The following SLC5A3 variants were observed in gnomAD, a reference collection of about 807,000 sequenced individuals.
The protein encoded by SLC5A3 is solute carrier family 5 member 3.
SLC5A3 carries 10 observed loss-of-function variants against 43.2 expected under a neutral mutation model. The ratio of observed to expected loss-of-function variants is 0.23; its 90% CI spans 0.14 to 0.39. SLC5A3 has a LOEUF of 0.39. SLC5A3 is among the 10% of genes least tolerant of loss of function. The probability of loss-of-function intolerance (pLI) is 1.00; values close to 1 mark genes in which losing one functional copy is unlikely to be tolerated. For synonymous variants in SLC5A3, 349 were observed against 322.0 expected (o/e 1.08, Z -0.90); for missense variants, 608 against 893.4 (o/e 0.68, Z 4.07).
intron 1 of SLC5A3, among the ~76,000 whole-genome samples, chr21:34,086,599 A>G (rs538453493): frequency 5.7e-4 from 86 of 152,114 alleles, no homozygotes; most frequent in African/African-American, 2.0e-3. Context: ...TTTATTTCAG[A>G]AAGGATGTTC....
intron 1 of SLC5A3, among the ~76,000 whole-genome samples, chr21:34,090,894 A>G (rs769722400): frequency 4.6e-5 from 7 of 152,182 alleles, no homozygotes; most frequent in Non-Finnish European, 7.3e-5. Context: ...ACCTACATAG[A>G]TGTGGTACCT....
Position 34,103,928 on chromosome 21 carries a change from T to A in SLC5A3, c.*6573T>A. ...GACAGATGTCTAGGTTTTTGGTGGG[T>A]GGAACAGGTGACATATTTCTGTTTT... On this transcript the variant is annotated 3_prime_UTR_variant, in exon 2 of 2. Coordinates refer to ENST00000381151, the MANE Select transcript of SLC5A3 (RefSeq NM_006933.7). 5.0e-6 allele frequency: 5 copies of A among 1,000,188 alleles called. No individual in the cohort carries two copies. Among genetic ancestry groups the A allele is most frequent in the Non-Finnish European group, 6.0e-6 (5 of 829,936 alleles). 62.0% of individuals were successfully genotyped at this position (1,000,188 alleles called of 1,614,324 possible).
At chr21:34,090,030 A>G (rs747645302) in intron 1 of SLC5A3, among the ~76,000 whole-genome samples, 31 of 152,166 alleles carry the variant, frequency 2.0e-4, no homozygotes, top group Non-Finnish European at 4.3e-4. Flanking sequence ...CCCAAACCCA[A>G]AATGCTCCAG....
At chr21:34,083,398 A>G (rs1308755393) in intron 1 of SLC5A3, among the ~76,000 whole-genome samples, 2 of 152,224 alleles carry the variant, frequency 1.3e-5, no homozygotes, top group Non-Finnish European at 1.5e-5. Flanking sequence ...AATATAAAAC[A>G]TCTGTTCAGT....
rs1979401466 is a variant in SLC5A3 at position 34,104,728 on chromosome 21, A to C, written c.*7373A>C. 1 of 999,302 alleles carries C rather than the reference A, an allele frequency of 1.0e-6. No individual in the cohort carries two copies. Among genetic ancestry groups the C allele is most frequent in the Admixed American group, 6.1e-5 (1 of 16,270 alleles). The allele number at this position is 999,302 out of a possible 1,614,324, so 61.9% of individuals were successfully genotyped here. A position where few individuals can be genotyped will look rare whatever the true frequency, so the allele number is the denominator to read the frequency against. ...AGGGGAAGAAGATTACCAGAAGTGC[A>C]GGAAAGAGAAGTTTGAGGAACACCC... is the stretch of plus-strand genomic sequence containing the variant. On this transcript the variant is annotated 3_prime_UTR_variant, in exon 2 of 2. Coordinates refer to ENST00000381151, the MANE Select transcript of SLC5A3 (RefSeq NM_006933.7).
intron 1 of SLC5A3, among the ~76,000 whole-genome samples, chr21:34,075,215 T>C (rs1989298620): frequency 6.6e-6 from 1 of 152,216 alleles, no homozygotes; most frequent in Admixed American, 6.5e-5. Flanking sequence ...GAAATTCCTT[T>C]TGTTTACTTT....
chr21:34,099,237 AATAG>A lies in SLC5A3; in HGVS notation c.*1888_*1891del, dbSNP rs1364081870. On this transcript the variant is annotated 3_prime_UTR_variant, in exon 2 of 2. Transcript: ENST00000381151. ...CTTGAGGTTTATAATTTGGGGGCCA[AATAG>A]ATAGAGCTCATCATTTTCTTGTTTG... The A allele has an allele frequency of 1.7e-5, 17 of 1,000,132 alleles. No individual in the cohort carries two copies. Among genetic ancestry groups the A allele is most frequent in the Non-Finnish European group, 1.9e-5 (16 of 830,008 alleles). 62.0% of individuals were successfully genotyped at this position (1,000,132 alleles called of 1,614,324 possible). A position where few individuals can be genotyped will look rare whatever the true frequency, so the allele number is the denominator to read the frequency against.
Position 34,099,542 on chromosome 21 carries a change from C to T in SLC5A3, c.*2187C>T. Reference sequence around the variant, plus strand: ...TACTGTGTAATTCACTGATAATTGACATATTGGCTGGGCAGCCTATCTCTT... The same window carrying T: ...TACTGTGTAATTCACTGATAATTGATATATTGGCTGGGCAGCCTATCTCTT... On this transcript the variant is annotated 3_prime_UTR_variant, in exon 2 of 2. Transcript: ENST00000381151. The T allele has an allele frequency of 1.0e-6, 1 of 999,730 alleles. No individual in the cohort carries two copies. The highest frequency in any genetic ancestry group is 1.2e-6 in the Non-Finnish European group (1 of 829,678). The allele number at this position is 999,730 out of a possible 1,614,324, so 61.9% of individuals were successfully genotyped here.
chr21:34,096,927 G>C lies in SLC5A3; in HGVS notation c.1729G>C (p.Glu577Gln). ...AGAAAAGAGCATTCTGAGATGCAGT[G>C]AGAATAATGAGACCATCAACCACAT... ...MQEKSILRCS[E>Q]NNETINHIIP... is the part of the protein sequence containing the mutation. Residue 577 changes from glutamate (E) to glutamine (Q), a missense_variant, in exon 2 of 2, where the codon GAG (glutamate) becomes CAG (glutamine). Glu to Gln is a conservative substitution (Grantham distance 29). Around this residue, in one of 2 missense-constraint regions of SLC5A3, gnomAD observed 210 missense variants for 224.8 expected, o/e 0.93. Transcript: ENST00000381151. This position sits in a 1 kb window ranked among gnomAD's most constrained non-coding sequence, Gnocchi z 5.9. The C allele has an allele frequency of 6.2e-7, 1 of 1,614,122 alleles. No individual in the cohort carries two copies. Among genetic ancestry groups the C allele is most frequent in the South Asian group, 1.1e-5 (1 of 91,078 alleles).
Position 34,096,096 on chromosome 21 carries a change from C to G in SLC5A3, c.898C>G (p.Leu300Val), listed in dbSNP as rs1978953036. The G allele has an allele frequency of 6.2e-7, 1 of 1,614,036 alleles. No homozygotes were observed. Among genetic ancestry groups the G allele is most frequent in the African/African-American group, 1.3e-5 (1 of 74,924 alleles). Residue 300 changes from leucine to valine, a missense_variant, in exon 2 of 2, where the codon CTT (leucine) becomes GTT (valine). Leu to Val is a conservative substitution (Grantham distance 32, BLOSUM62 1). Around this residue, in one of 2 missense-constraint regions of SLC5A3, gnomAD observed 398 missense variants for 668.6 expected, o/e 0.60. Transcript: ENST00000381151. The surrounding 1 kb of genome is among the most constrained non-coding windows in gnomAD (Gnocchi z 5.9). ...CATTGCTCATGCCAAAGGCTCTACT[C>G]TTATGGCTGGCTTCTTAAAGCTCCT... ...KNIAHAKGST[L>V]MAGFLKLLPM...
chr21:34,090,745 T>C (rs1030838613), intron 1 of SLC5A3, among the ~76,000 whole-genome samples: 1 of 152,198 alleles, frequency 6.6e-6, no homozygotes, highest in Non-Finnish European at 1.5e-5. Flanking sequence ...AGCAAGTTGG[T>C]TTCATTTTAA....
intron 1 of SLC5A3, among the ~76,000 whole-genome samples, chr21:34,087,275 C>A (rs912621893): frequency 7.1e-6 from 1 of 140,902 alleles, no homozygotes; most frequent in Admixed American, 7.4e-5. Flanking sequence ...TCCCTTTAGC[C>A]TCTTTAATCT....
intron 1 of SLC5A3, among the ~76,000 whole-genome samples, chr21:34,082,546 A>T (rs1014720905): frequency 4.6e-5 from 7 of 151,990 alleles, no homozygotes; most frequent in African/African-American, 1.5e-4. Context: ...TTTTTTGCTC[A>T]GAGTGTATCT....
At chr21:34,089,645 A>G (rs1172574046) in intron 1 of SLC5A3, among the ~76,000 whole-genome samples, 1 of 152,134 alleles carries the variant, frequency 6.6e-6, no homozygotes, top group Non-Finnish European at 1.5e-5. Flanking sequence ...GAAATTATCC[A>G]TTCTTAACCC....
intron 1 of SLC5A3, among the ~76,000 whole-genome samples, chr21:34,090,462 A>G (rs1466579870): frequency 6.6e-6 from 1 of 152,258 alleles, no homozygotes; most frequent in Non-Finnish European, 1.5e-5. Context: ...TGATTTAAGT[A>G]GGAGCTAATA....
Position 34,105,404 on chromosome 21 carries a change from C to A in SLC5A3, c.*8049C>A. 1.0e-6 allele frequency: 1 copy of A among 998,770 alleles called. No homozygotes were observed. Among genetic ancestry groups the A allele is most frequent in the Non-Finnish European group, 1.2e-6 (1 of 828,886 alleles). 61.9% of individuals were successfully genotyped at this position (998,770 alleles called of 1,614,324 possible). ...AAACCAATTCTTTTTCTAATAATAT[C>A]CTGTGAAATTGCTTCATTCATTCAT... On this transcript the variant is annotated 3_prime_UTR_variant, in exon 2 of 2. Transcript: ENST00000381151.
chr21:34,097,132 A>G lies in SLC5A3; in HGVS notation c.1934A>G (p.Lys645Arg), dbSNP rs780532702. The G allele has an allele frequency of 9.3e-6, 15 of 1,613,990 alleles. No individual in the cohort carries two copies. Among genetic ancestry groups the G allele is most frequent in the Non-Finnish European group, 1.3e-5 (15 of 1,180,006 alleles). The change falls in exon 2 of 2, where the codon AAG becomes AGG. Residue 645 changes from lysine to arginine, a missense_variant. Coordinates refer to ENST00000381151, the MANE Select transcript of SLC5A3 (RefSeq NM_006933.7). ...GCTCTCATGGGTGAGAAAGAGAGAAAGAAAGAAACGGATGATGGAGGTCGG... is the reference window on the plus strand; with the variant it reads ...GCTCTCATGGGTGAGAAAGAGAGAAGGAAAGAAACGGATGATGGAGGTCGG... Reference protein sequence around the residue: ...QAALMGEKERKKETDDGGRYW... With the variant: ...QAALMGEKERRKETDDGGRYW...
chr21:34,105,182 G>A lies in SLC5A3; in HGVS notation c.*7827G>A. The A allele has an allele frequency of 1.0e-6, 1 of 1,000,156 alleles. No individual in the cohort carries two copies. Among genetic ancestry groups the A allele is most frequent in the Non-Finnish European group, 1.2e-6 (1 of 829,944 alleles). 62.0% of individuals were successfully genotyped at this position (1,000,156 alleles called of 1,614,324 possible). A position where few individuals can be genotyped will look rare whatever the true frequency, so the allele number is the denominator to read the frequency against. On this transcript the variant is annotated 3_prime_UTR_variant, in exon 2 of 2. Coordinates refer to ENST00000381151, the MANE Select transcript of SLC5A3 (RefSeq NM_006933.7). ...CCCACTGTTACTGCTTCAGTTTATA[G>A]ATTGCCAGCAGAGTTCAGAAATAGA...
chr21:34,101,344 G>A lies in SLC5A3; in HGVS notation c.*3989G>A. 4 of 1,000,130 alleles carry A rather than the reference G, an allele frequency of 4.0e-6. No homozygotes were observed. Among genetic ancestry groups the A allele is most frequent in the Non-Finnish European group, 4.8e-6 (4 of 829,890 alleles). 62.0% of individuals were successfully genotyped at this position (1,000,130 alleles called of 1,614,324 possible). On this transcript the variant is annotated 3_prime_UTR_variant, in exon 2 of 2. Transcript: ENST00000381151. The stretch of plus-strand genomic sequence containing the variant: ...TCAGCTTTTTAAACCCTGGTTTGAT[G>A]TTAAGCATTATAAAGTACGAAGTTT...
Sources: allele counts gnomAD v4.1 joint callset (sites outside exome capture counted in the v4.1 genomes callset), GRCh38; gene constraint gnomAD v4.1.1; regional missense constraint gnomAD v4.1.1; non-coding constraint Gnocchi (gnomAD v3.1); transcripts MANE v1.5; gene names NCBI Gene and HGNC (gene_info 2026-07-23, HGNC 2026-07-21).